The following DENND5B variants were observed in gnomAD, a reference collection of about 807,000 sequenced individuals.
The protein encoded by DENND5B is DENN domain-containing protein 5B.
A neutral mutation model predicts 140.6 loss-of-function variants in DENND5B; 34 were observed. That is an observed-to-expected ratio of 0.24 (90% CI 0.18 to 0.32). The LOEUF (loss-of-function observed/expected upper bound fraction) is 0.32. DENND5B is among the 10% of genes least tolerant of loss of function. DENND5B has a pLI of 1.00. For synonymous variants in DENND5B, 551 were observed against 562.1 expected (o/e 0.98, Z 0.28); for missense variants, 1,142 against 1,560.2 (o/e 0.73, Z 4.52).
At chr12:31,439,218 T>C (rs1943915568) in intron 7 of DENND5B, among the ~76,000 whole-genome samples, 1 of 152,234 alleles carries the variant, frequency 6.6e-6, no homozygotes. Context: ...CTCTCAACAG[T>C]TGATCCACAG....
chr12:31,495,751 T>C (rs926624981), intron 2 of DENND5B, 59 bp downstream of exon 2: 2 of 1,240,892 alleles, frequency 1.6e-6, no homozygotes, highest in Non-Finnish European at 2.3e-6. Context: ...GTCACTACCT[T>C]CATATTAATA....
intron 1 of DENND5B, among the ~76,000 whole-genome samples, chr12:31,547,468 G>A (rs1246141838): frequency 6.6e-6 from 1 of 152,056 alleles, no homozygotes; most frequent in Non-Finnish European, 1.5e-5. Context: ...GCACAATCTT[G>A]GCTCACTGCA....
At chr12:31,406,227 T>C (rs1942122131) in intron 14 of DENND5B, among the ~76,000 whole-genome samples, 1 of 152,076 alleles carries the variant, frequency 6.6e-6, no homozygotes, top group Non-Finnish European at 1.5e-5. Flanking sequence ...GAGGGGGTGT[T>C]AGAAGCCCTC....
intron 3 of DENND5B, chr12:31,478,017 ATT>A: frequency 6.0e-6 from 1 of 165,904 alleles, no homozygotes. Flanking sequence ...TAAAAAATGG[ATT>A]TTTTTTTTAT....
intron 1 of DENND5B, among the ~76,000 whole-genome samples, chr12:31,586,904 A>G (rs191479868): frequency 6.6e-6 from 1 of 152,226 alleles, no homozygotes; most frequent in African/African-American, 2.4e-5. Context: ...CAAAACAGAA[A>G]CTACCTTCTG....
At chr12:31,579,111 G>C (rs867719454) in intron 1 of DENND5B, among the ~76,000 whole-genome samples, 1 of 152,098 alleles carries the variant, frequency 6.6e-6, no homozygotes. Context: ...ATATACACAA[G>C]TTTCTAACAG....
intron 2 of DENND5B, among the ~76,000 whole-genome samples, chr12:31,485,011 CA>C (rs1203537603): frequency 6.6e-6 from 1 of 151,922 alleles, no homozygotes; most frequent in Non-Finnish European, 1.5e-5. Flanking sequence ...AAACTTGCAC[CA>C]AAAAAAGGTC....
At chr12:31,542,936 G>A (rs933280983) in intron 1 of DENND5B, among the ~76,000 whole-genome samples, 2 of 152,086 alleles carry the variant, frequency 1.3e-5, no homozygotes, top group Non-Finnish European at 2.9e-5. Context: ...CAGCCTGGGC[G>A]ACAGAGCCAG....
chr12:31,450,478 T>TC lies in DENND5B; in HGVS notation c.1629+1461dup, dbSNP rs1381471627. Reference sequence around the variant, plus strand: ...AAGCTCAAGTGATCTCACCTCAGCCTCCAGAGTCATTGGGACCAGAGGAGC... The same window carrying TC: ...AAGCTCAAGTGATCTCACCTCAGCCTCCCAGAGTCATTGGGACCAGAGGAGC... On this transcript the variant is annotated intron_variant, in intron 5 of 20. Transcript: ENST00000389082. Among the ~76,000 whole-genome samples the TC allele has an allele frequency of 1.2e-4, 19 of 152,114 alleles. No homozygotes were observed. The East Asian group carries it at 3.5e-3, about 28-fold the overall frequency.
intron 5 of DENND5B, among the ~76,000 whole-genome samples, chr12:31,448,308 T>C (rs1026431432): frequency 9.9e-5 from 15 of 152,120 alleles, no homozygotes; most frequent in Non-Finnish European, 2.1e-4. Flanking sequence ...CTAATTTTTT[T>C]GAATTTTTAG....
chr12:31,497,562 A>G (rs896369611), intron 1 of DENND5B, among the ~76,000 whole-genome samples: 1 of 151,644 alleles, frequency 6.6e-6, no homozygotes, highest in African/African-American at 2.4e-5. Flanking sequence ...GGAAGAGTCC[A>G]TGATGTTTTT....
intron 1 of DENND5B, among the ~76,000 whole-genome samples, chr12:31,540,402 C>T (rs1948645479): frequency 1.3e-5 from 2 of 152,068 alleles, no homozygotes; most frequent in South Asian, 4.1e-4. Context: ...GCCTGCAATC[C>T]CAGTGCTTTG....
At chr12:31,417,218 G>A (rs1428781628) in intron 11 of DENND5B, among the ~76,000 whole-genome samples, 12 of 151,382 alleles carry the variant, frequency 7.9e-5, no homozygotes, top group Admixed American at 4.6e-4. Flanking sequence ...TTAGCTGGGC[G>A]TGGTGGTGGG....
chr12:31,545,155 A>C (rs1259207244), intron 1 of DENND5B, among the ~76,000 whole-genome samples: 2 of 152,210 alleles, frequency 1.3e-5, no homozygotes, highest in Non-Finnish European at 2.9e-5. Context: ...AAGAATCCAA[A>C]AAAACTAAAA....
At chr12:31,528,860 G>C (rs576238074) in intron 1 of DENND5B, among the ~76,000 whole-genome samples, 2 of 152,194 alleles carry the variant, frequency 1.3e-5, no homozygotes, top group Admixed American at 1.3e-4. Flanking sequence ...GCTGATATTG[G>C]ATCATATTAA....
chr12:31,580,619 C>G (rs376293677), intron 1 of DENND5B, among the ~76,000 whole-genome samples: 15 of 152,050 alleles, frequency 9.9e-5, no homozygotes, highest in Non-Finnish European at 2.2e-4. Context: ...CTCAGCCTCC[C>G]GAGTAGCTGG....
chr12:31,415,402 C>G lies in DENND5B; in HGVS notation c.2517G>C (p.Leu839Phe), dbSNP rs1333018431. Residue 839 changes from leucine (L) to phenylalanine (F), a missense_variant, in exon 12 of 21, where the codon TTG becomes TTC. This residue lies in a region of DENND5B where 268 missense variants were observed against 349.2 expected (regional missense o/e 0.77). Coordinates refer to ENST00000389082, the MANE Select transcript of DENND5B (RefSeq NM_144973.4). ...GAATAAGAGAGACCCTGAGCGTTGG[C>G]AACATAACTCCTGAGTCAGATTTTC... ...ERRKSDSGVM[L>F]PTLRVSLIQD... 6.2e-7 allele frequency: 1 copy of G among 1,610,446 alleles called. No individual in the cohort carries two copies. Among genetic ancestry groups the G allele is most frequent in the Non-Finnish European group, 8.5e-7 (1 of 1,178,180 alleles).
chr12:31,583,234 G>A (rs1454219906), intron 1 of DENND5B, among the ~76,000 whole-genome samples: 4 of 151,784 alleles, frequency 2.6e-5, no homozygotes, highest in African/African-American at 7.3e-5. Context: ...GGAGATTGCA[G>A]TGAGGAGAGA....
chr12:31,401,916 C>T (rs767576378), intron 15 of DENND5B, among the ~76,000 whole-genome samples: 12 of 152,198 alleles, frequency 7.9e-5, no homozygotes, highest in Non-Finnish European at 1.5e-4. Flanking sequence ...TGAGTCACTG[C>T]GCCTGGCCAA....
Sources: allele counts gnomAD v4.1 joint callset (sites outside exome capture counted in the v4.1 genomes callset), GRCh38; gene constraint gnomAD v4.1.1; regional missense constraint gnomAD v4.1.1; transcripts MANE v1.5; gene names NCBI Gene and HGNC (gene_info 2026-07-23, HGNC 2026-07-21).